The following SFI1 variants were observed in gnomAD, a reference collection of about 807,000 sequenced individuals.
SFI1 encodes SFI1 centrin binding protein.
In SFI1, 195 loss-of-function variants were observed where a neutral mutation model predicts 207.5. The observed-to-expected ratio is 0.94, with a 90% confidence interval of 0.84 to 1.06. SFI1 has a LOEUF of 1.06. SFI1 is among the 50% of genes least tolerant of loss of function. The pLI, the probability that SFI1 is intolerant of heterozygous loss-of-function variation, is 0.00. For synonymous variants in SFI1, 630 were observed against 598.9 expected (o/e 1.05, Z -0.76); for missense variants, 1,634 against 1,588.0 (o/e 1.03, Z -0.49).
chr22:31,517,278 T>C (rs561314252), intron 2 of SFI1, among the ~76,000 whole-genome samples: 3 of 152,286 alleles, frequency 2.0e-5, no homozygotes, highest in Admixed American at 2.0e-4. Context: ...AGACAGGGTC[T>C]CGCACTGTCA....
intron 2 of SFI1, among the ~76,000 whole-genome samples, chr22:31,514,722 A>G (rs2146867746): frequency 6.6e-6 from 1 of 151,470 alleles, no homozygotes; most frequent in East Asian, 1.9e-4. Flanking sequence ...TTCACTTAAT[A>G]TAATGTTCTC....
chr22:31,582,206 T>TATATATATATATATATATATC (rs1569376507), intron 12 of SFI1, among the ~76,000 whole-genome samples: 1 of 36,604 alleles, frequency 2.7e-5, no homozygotes, highest in African/African-American at 1.2e-4. Context: ...TTATTACATT[T>TATATATATATATATATATATC]TATATATATA....
intron 4 of SFI1, among the ~76,000 whole-genome samples, chr22:31,545,251 G>A (rs143262559): frequency 3.9e-4 from 60 of 152,088 alleles, no homozygotes; most frequent in African/African-American, 1.4e-3. Flanking sequence ...CTGTAATCCC[G>A]CTACTCAGGA....
intron 12 of SFI1, among the ~76,000 whole-genome samples, chr22:31,582,938 G>T (rs1025524455): frequency 6.6e-6 from 1 of 151,824 alleles, no homozygotes; most frequent in African/African-American, 2.4e-5. Context: ...AATAATTATT[G>T]TTAGAGACAG....
At chr22:31,613,017 T>C in intron 24 of SFI1, 125 bp from the exon 25 acceptor site, 6 of 960,422 alleles carry the variant, frequency 6.2e-6, no homozygotes, top group Non-Finnish European at 9.3e-6. Flanking sequence ...TGGCCCTTCC[T>C]AGTGGAGGAA....
intron 15 of SFI1, among the ~76,000 whole-genome samples, chr22:31,594,854 CAAAAAAAA>C (rs67157514): frequency 2.6e-5 from 2 of 76,778 alleles, no homozygotes; most frequent in African/African-American, 5.5e-5. Flanking sequence ...GACTCTGTCT[CAAAAAAAA>C]AAAAAAAAAA....
At chr22:31,572,759 T>G in intron 8 of SFI1, 1 of 199,816 alleles carries the variant, frequency 5.0e-6, no homozygotes, top group Admixed American at 5.5e-5. Flanking sequence ...CTCCTCGGCC[T>G]CCCAAAGTGC....
chr22:31,547,005 T>C (rs779932193), intron 5 of SFI1, 34 bp downstream of exon 5: 2 of 1,369,588 alleles, frequency 1.5e-6, no homozygotes, highest in South Asian at 2.5e-5. Flanking sequence ...TCAGTTTTAC[T>C]GATGCACATT....
chr22:31,528,223 C>G (rs2147281848), intron 2 of SFI1, among the ~76,000 whole-genome samples: 1 of 152,032 alleles, frequency 6.6e-6, no homozygotes, highest in East Asian at 1.9e-4. Context: ...AGTTCAAGAC[C>G]AGCCTGGGCA....
At chr22:31,599,362 C>A (rs1237491865) in intron 15 of SFI1, among the ~76,000 whole-genome samples, 1 of 151,522 alleles carries the variant, frequency 6.6e-6, no homozygotes, top group Non-Finnish European at 1.5e-5. Flanking sequence ...CGCTCTATTG[C>A]CAGGCTGGAG....
chr22:31,603,600 C>T, intron 17 of SFI1, 144 bp from the exon 18 acceptor site: 1 of 581,412 alleles, frequency 1.7e-6, no homozygotes, highest in Non-Finnish European at 2.7e-6. Flanking sequence ...TCTGAGACTG[C>T]AAGTTCTTTG....
Position 31,578,285 on chromosome 22 carries a change from A to G in SFI1, c.1085-97A>G, listed in dbSNP as rs765891687. ...CCTCAGCCCACCTGGCACGTGTGTT[A>G]TCCCCGATAGCCACGGCCCTTCAAG... is the stretch of plus-strand genomic sequence containing the variant. On this transcript the variant is annotated intron_variant, in intron 10 of 32. Coordinates refer to ENST00000400288, the MANE Select transcript of SFI1 (RefSeq NM_001007467.3). 2.9e-4 allele frequency: 352 copies of G among 1,212,922 alleles called. 1 individual carries two copies. Among genetic ancestry groups the G allele is most frequent in the Non-Finnish European group, 3.9e-4 (346 of 879,746 alleles). 75.1% of individuals were successfully genotyped at this position (1,212,922 alleles called of 1,614,324 possible).
intron 15 of SFI1, among the ~76,000 whole-genome samples, chr22:31,601,685 G>C (rs1421569798): frequency 6.6e-6 from 1 of 152,184 alleles, no homozygotes; most frequent in Non-Finnish European, 1.5e-5. Flanking sequence ...GCTGATACCA[G>C]AAACAACCTG....
intron 1 of SFI1, among the ~76,000 whole-genome samples, chr22:31,507,393 A>G (rs937336105): frequency 2.0e-5 from 3 of 152,226 alleles, no homozygotes; most frequent in Non-Finnish European, 4.4e-5. Flanking sequence ...ACCCAAAACT[A>G]TAAAAACCCT....
At position 31,613,821 on chromosome 22, in the gene SFI1, C is replaced by T. The variant is rs1201370833; in HGVS notation, c.2962C>T (p.Arg988Cys). 1.3e-5 allele frequency: 21 copies of T among 1,609,444 alleles called. No homozygotes were observed. Among genetic ancestry groups the T allele is most frequent in the South Asian group, 2.2e-5 (2 of 90,582 alleles). ...TTCTCGGCCTCTGGGAGCTCTGGGC[C>T]GCCTGGCTGCTGAGGAGCCCCACGC... The part of the protein sequence containing the change: ...QASRPLGALG[R>C]LAAEEPHALE... Residue 988 changes from arginine (R) to cysteine (C), a missense_variant, in exon 27 of 33, where the codon CGC becomes TGC. Arg to Cys is a radical substitution (Grantham distance 180, BLOSUM62 -3). Coordinates refer to ENST00000400288, the MANE Select transcript of SFI1 (RefSeq NM_001007467.3).
chr22:31,558,331 A>G (rs934819001), intron 7 of SFI1, among the ~76,000 whole-genome samples: 8 of 152,182 alleles, frequency 5.3e-5, no homozygotes, highest in African/African-American at 1.9e-4. Context: ...GTTTGAGACC[A>G]GCCTGGGCAA....
chr22:31,548,217 C>T (rs903641186), intron 5 of SFI1, among the ~76,000 whole-genome samples: 17 of 151,126 alleles, frequency 1.1e-4, no homozygotes, highest in Non-Finnish European at 1.0e-4. Context: ...AGCGAGACTC[C>T]ATCTCAGAAA....
intron 15 of SFI1, among the ~76,000 whole-genome samples, chr22:31,595,483 A>G (rs924451056): frequency 2.6e-5 from 4 of 152,252 alleles, no homozygotes; most frequent in African/African-American, 7.2e-5. Context: ...ACAACCAGTA[A>G]GTGGTACAGC....
At chr22:31,594,339 A>G (rs1389081421) in intron 15 of SFI1, among the ~76,000 whole-genome samples, 11 of 145,528 alleles carry the variant, frequency 7.6e-5, no homozygotes, top group African/African-American at 2.3e-4. Flanking sequence ...CACAAGGTCA[A>G]GAGTTCAAGA....
Sources: allele counts gnomAD v4.1 joint callset (sites outside exome capture counted in the v4.1 genomes callset), GRCh38; gene constraint gnomAD v4.1.1; transcripts MANE v1.5; gene names NCBI Gene and HGNC (gene_info 2026-07-23, HGNC 2026-07-21).